The following FASN variants were observed in gnomAD, a reference collection of about 807,000 sequenced individuals.
The protein encoded by FASN is fatty acid synthase, also known as 3-hydroxyacyl-[acyl-carrier-protein] dehydratase.
In FASN, 50 loss-of-function variants were observed where a neutral mutation model predicts 250.0. The observed-to-expected ratio is 0.20, with a 90% CI of 0.16 to 0.25. The LOEUF (loss-of-function observed/expected upper bound fraction) is 0.25, where lower values mean the gene tolerates loss of function less well. Among genes scored for constraint, FASN ranks in the 10% least tolerant of loss-of-function variants. The probability of loss-of-function intolerance (pLI) is 1.00; values close to 1 mark genes in which losing one functional copy is unlikely to be tolerated. For synonymous variants in FASN, 1,909 were observed against 1,584.0 expected (o/e 1.21, Z -4.87); for missense variants, 3,031 against 3,498.5 (o/e 0.87, Z 3.37).
In FASN at chr17:82,085,353, A is replaced by G. The variant is rs2034075900; in HGVS notation, c.4172T>C (p.Leu1391Pro). ...CGTGGAGCCGTAGAAGGACTTCTTCAGGCCCACCAGGCGCAGCGACACCCT... is the reference window on the plus strand; with the variant it reads ...CGTGGAGCCGTAGAAGGACTTCTTCGGGCCCACCAGGCGCAGCGACACCCT... ...FSRVSLRLVG[L>P]KKSFYGSTLF... Residue 1391 changes from leucine (L) to proline (P), a missense_variant, in exon 24 of 43, where the codon CTG (leucine) becomes CCG (proline). Transcript: ENST00000306749. The G allele has an allele frequency of 6.2e-7, 1 of 1,611,360 alleles. No homozygotes were observed. The highest frequency in any genetic ancestry group is 1.3e-5 in the African/African-American group (1 of 74,872).
chr17:82,080,412 G>T lies in FASN; in HGVS notation c.7005C>A (p.Phe2335Leu), dbSNP rs1265567227. 1.2e-6 allele frequency: 2 copies of T among 1,603,234 alleles called. No individual in the cohort carries two copies. Among genetic ancestry groups the T allele is most frequent in the South Asian group, 2.2e-5 (2 of 89,688 alleles). The change falls in exon 40 of 43, where the codon TTC becomes TTA. Residue 2335 changes from phenylalanine to leucine, a missense_variant. Phe to Leu is a conservative substitution (Grantham distance 22). Coordinates refer to ENST00000306749, the MANE Select transcript of FASN (RefSeq NM_004104.5). ...CGTAGGTGGGCGAGCCGTCGAACAG[G>T]AAGAGGCTGTTGTGGGTGGGGGCTG... ...QSPAPTHNSL[F>L]LFDGSPTYVL...
rs755513455 is a variant in FASN at position 82,084,263 on chromosome 17, C to G, written c.4890G>C (p.Pro1630=). ...TGGAAGGCACATCCCAGAGGAAGTCCGGTGACAGCAGGACAGAGGTGGCCA... is the reference window on the plus strand; with the variant it reads ...TGGAAGGCACATCCCAGAGGAAGTCGGGTGACAGCAGGACAGAGGTGGCCA... ...KGLATSVLLS[P]DFLWDVPSNW... The change falls in exon 28 of 43, where the codon CCG becomes CCC. Residue 1630 remains proline (P), a synonymous_variant. Transcript: ENST00000306749. The G allele has an allele frequency of 1.2e-6, 2 of 1,612,020 alleles. No homozygotes were observed. Among genetic ancestry groups the G allele is most frequent in the Non-Finnish European group, 1.7e-6 (2 of 1,179,600 alleles).
rs1170097005 is a variant in FASN at position 82,092,784 on chromosome 17, C to T, written c.807G>A (p.Gln269=). The T allele has an allele frequency of 6.2e-6, 10 of 1,603,898 alleles. No homozygotes were observed. The East Asian group carries it at 2.3e-4, about 36-fold the overall frequency. ...GGTACAACGAGCGGATGAGCTGCTC[C>T]TGGATATCCCCTGAGGGGAAGGTCA... The part of the protein sequence containing the change: ...QGVTFPSGDI[Q]EQLIRSLYQS... Residue 269 remains glutamine, a synonymous_variant, in exon 7 of 43, where the codon CAG becomes CAA. Transcript: ENST00000306749.
chr17:82,082,678 C>T lies in FASN; in HGVS notation c.5768G>A (p.Gly1923Asp). The change falls in exon 34 of 43, where the codon GGC becomes GAC. Residue 1923 changes from glycine to aspartate, a missense_variant and splice_region_variant. By Grantham distance (94) the Gly-to-Asp change is moderately conservative. Coordinates refer to ENST00000306749, the MANE Select transcript of FASN (RefSeq NM_004104.5). Reference sequence around the variant, plus strand: ...CCGGCGGACCTGCTTGGCCTGGTAGCCTGCGGGACACAGGACTGTGGGCTG... The same window carrying T: ...CCGGCGGACCTGCTTGGCCTGGTAGTCTGCGGGACACAGGACTGTGGGCTG... ...VLTSRSGIRT[G>D]YQAKQVRRWR... 6.2e-7 allele frequency: 1 copy of T among 1,608,278 alleles called. No individual in the cohort carries two copies. Among genetic ancestry groups the T allele is most frequent in the Non-Finnish European group, 8.5e-7 (1 of 1,179,820 alleles).
chr17:82,091,528 C>T lies in FASN; in HGVS notation c.1186G>A (p.Gly396Arg). 1.9e-6 allele frequency: 3 copies of T among 1,602,070 alleles called. No homozygotes were observed. The highest frequency in any genetic ancestry group is 1.1e-5 in the South Asian group (1 of 89,578). ...AGGATGATGTGCACGTTGGAGCCCC[C>T]GAAGCCAAAGGAGTTGATGCCCACG... ...GNVGINSFGF[G>R]GSNVHIILRP... is the part of the protein sequence containing the mutation. Residue 396 changes from glycine to arginine, a missense_variant, in exon 9 of 43, where the codon GGG becomes AGG. Physicochemically the swap from Gly to Arg is moderately radical, Grantham distance 125. Coordinates refer to ENST00000306749, the MANE Select transcript of FASN (RefSeq NM_004104.5).
Position 82,087,722 on chromosome 17 carries a change from G to T in FASN, c.3006C>A (p.Gly1002=), listed in dbSNP as rs1366161093. Residue 1002 remains glycine (G), a synonymous_variant, in exon 19 of 43, where the codon GGC becomes GGA. Transcript: ENST00000306749. The part of the protein sequence containing the change: ...KELRLRGYDY[G]PHFQGILEAS... ...CCTCCAGGATGCCCTGGAAATGAGG[G>T]CCGTAGTCGTAGCCACGCAGACGCA... 1 of 1,612,232 alleles carries T rather than the reference G, an allele frequency of 6.2e-7. No homozygotes were observed. The highest frequency in any genetic ancestry group is 2.2e-5 in the East Asian group (1 of 44,888).
Position 82,087,237 on chromosome 17 carries a change from C to T in FASN, c.3240G>A (p.Val1080=). 3 of 1,607,272 alleles carry T rather than the reference C, an allele frequency of 1.9e-6. No homozygotes were observed. The highest frequency in any genetic ancestry group is 2.5e-6 in the Non-Finnish European group (3 of 1,178,034). The part of the protein sequence containing the change: ...QDKAQVADVV[V]SRWLRVTVAG... Reference sequence around the variant, plus strand: ...CCACTGTGACCCTCAGCCACCTGCTCACCACCACGTCAGCCACTGTGGGGA... The same window carrying T: ...CCACTGTGACCCTCAGCCACCTGCTTACCACCACGTCAGCCACTGTGGGGA... Residue 1080 remains valine (V), a synonymous_variant, in exon 21 of 43, where the codon GTG becomes GTA. Transcript: ENST00000306749.
intron 21 of FASN, 32 bp downstream of exon 21, chr17:82,087,018 G>A (rs1164036730): frequency 1.9e-6 from 3 of 1,608,356 alleles, no homozygotes; most frequent in East Asian, 2.2e-5. Context: ...CATCGCCAGA[G>A]GTGTCCGAAG....
At chr17:82,082,704 G>A in intron 33 of FASN, 26 bp from the exon 34 acceptor site, 11 of 1,604,622 alleles carry the variant, frequency 6.9e-6, no homozygotes, top group Non-Finnish European at 8.5e-6. Flanking sequence ...CTGTGGGCTG[G>A]ACTGGGCCAG....
intron 11 of FASN, 27 bp from the exon 12 acceptor site, chr17:82,089,753 T>A (rs1251301931): frequency 6.4e-7 from 1 of 1,560,300 alleles, no homozygotes; most frequent in Non-Finnish European, 8.7e-7. Flanking sequence ...CTCAGAGGCT[T>A]AGCGTGGACA....
chr17:82,082,173 G>GT lies in FASN; in HGVS notation c.6012-14dup. 6.2e-7 allele frequency: 1 copy of GT among 1,601,650 alleles called. No individual in the cohort carries two copies. The highest frequency in any genetic ancestry group is 8.5e-7 in the Non-Finnish European group (1 of 1,179,892). The stretch of plus-strand genomic sequence containing the variant: ...CTCTCGGGTCACCCTGTGGGCACGC[G>GT]TGTCACTCCCCATTGGCCAGCATCC... On this transcript the variant is annotated splice_polypyrimidine_tract_variant and intron_variant, in intron 35 of 42. Coordinates refer to ENST00000306749, the MANE Select transcript of FASN (RefSeq NM_004104.5).
intron 24 of FASN, 36 bp downstream of exon 24, chr17:82,085,202 G>T (rs765597243): frequency 8.1e-6 from 13 of 1,612,306 alleles, no homozygotes; most frequent in Non-Finnish European, 1.1e-5. Context: ...CAAGTTGGGA[G>T]GTGGGGTGGG....
intron 1 of FASN, among the ~76,000 whole-genome samples, chr17:82,097,775 G>C (rs1356613507): frequency 6.6e-6 from 1 of 152,106 alleles, no homozygotes; most frequent in African/African-American, 2.4e-5. Context: ...GGGCGGCTCC[G>C]GGAGGAGGAT....
rs2033964958 is a variant in FASN at position 82,080,371 on chromosome 17, T to C, written c.7046A>G (p.Gln2349Arg). ...GSPTYVLAYTQSYRAKLTPGC... is the reference protein window; with the variant it reads ...GSPTYVLAYTRSYRAKLTPGC... ...CTCTAGGACCAGCCTGGCTCTCACCTGGGTGTAGGCCAGTACGTAGGTGGG... is the reference window on the plus strand; with the variant it reads ...CTCTAGGACCAGCCTGGCTCTCACCCGGGTGTAGGCCAGTACGTAGGTGGG... The change falls in exon 40 of 43, where the codon CAG becomes CGG. Residue 2349 changes from glutamine (Q) to arginine (R), a missense_variant and splice_region_variant. Gln to Arg is a conservative substitution (Grantham distance 43). Coordinates refer to ENST00000306749, the MANE Select transcript of FASN (RefSeq NM_004104.5). 6.2e-7 allele frequency: 1 copy of C among 1,603,986 alleles called. No individual in the cohort carries two copies. Among genetic ancestry groups the C allele is most frequent in the Non-Finnish European group, 8.5e-7 (1 of 1,175,950 alleles).
At chr17:82,080,285 C>G (rs763770708) in intron 40 of FASN, 47 bp from the exon 41 acceptor site, 8 of 1,611,512 alleles carry the variant, frequency 5.0e-6, no homozygotes, top group Non-Finnish European at 4.2e-6. Context: ...GGCGGGGCCT[C>G]CTAAGCGACG....
Position 82,096,385 on chromosome 17 carries a change from C to T in FASN, c.61G>A (p.Glu21Lys). The change falls in exon 2 of 43, where the codon GAG becomes AAG. Residue 21 changes from glutamate (E) to lysine (K), a missense_variant. Physicochemically the swap from Glu to Lys is moderately conservative, Grantham distance 56. Transcript: ENST00000306749. The stretch of plus-strand genomic sequence containing the variant: ...CCGCCGATGAGGTTGTCCCAGAACT[C>T]CTGCAAGTTCTCCGACTCTGGCAGC... Reference protein sequence around the residue: ...GKLPESENLQEFWDNLIGGVD... With the variant: ...GKLPESENLQKFWDNLIGGVD... The T allele has an allele frequency of 6.2e-7, 1 of 1,612,996 alleles. No individual in the cohort carries two copies.
At position 82,088,972 on chromosome 17, in the gene FASN, C is replaced by T. The variant is rs769954424; in HGVS notation, c.2301G>A (p.Leu767=). ...VVLEIAPHAL[L]QAVLKRGLKP... is the part of the protein sequence containing the mutation. ...GCTGCCCCCAGGCTGGGCCTACCTG[C>T]AGCAGGGCGTGGGGCGCGATCTCCA... Residue 767 remains leucine (L), a synonymous_variant, in exon 14 of 43, where the codon CTG becomes CTA. Transcript: ENST00000306749. The T allele has an allele frequency of 1.9e-6, 3 of 1,609,164 alleles. No homozygotes were observed. Among genetic ancestry groups the T allele is most frequent in the East Asian group, 2.2e-5 (1 of 44,616 alleles).
At position 82,088,841 on chromosome 17, in the gene FASN, G is replaced by A. The variant is rs753530645; in HGVS notation, c.2340C>T (p.Thr780=). The change falls in exon 15 of 43, where the codon ACC becomes ACT. Residue 780 remains threonine, a synonymous_variant. Transcript: ENST00000306749. ...VLKRGLKPSC[T]IIPLMKKDHR... ...GATCCTTCTTCATCAGGGGGATGAT[G>A]GTGCAGCTCGGCTTCAGGCCACGCT... The A allele has an allele frequency of 6.2e-7, 1 of 1,612,476 alleles. No homozygotes were observed. The highest frequency in any genetic ancestry group is 1.3e-5 in the African/African-American group (1 of 74,924).
Position 82,091,313 on chromosome 17 carries a change from G to A in FASN, c.1401C>T (p.Phe467=). 1 of 1,611,026 alleles carries A rather than the reference G, an allele frequency of 6.2e-7. No homozygotes were observed. Among genetic ancestry groups the A allele is most frequent in the Non-Finnish European group, 8.5e-7 (1 of 1,179,376 alleles). The change falls in exon 9 of 43, where the codon TTC becomes TTT. Residue 467 remains phenylalanine (F), a synonymous_variant. Coordinates refer to ENST00000306749, the MANE Select transcript of FASN (RefSeq NM_004104.5). Reference sequence around the variant, plus strand: ...CACCACCCAGCACAGCGTAGCCACGGAAGGGCATGGCGGTGGCGGGGACAG... The same window carrying A: ...CACCACCCAGCACAGCGTAGCCACGAAAGGGCATGGCGGTGGCGGGGACAG... ...IAAVPATAMP[F]RGYAVLGGER...
Sources: allele counts gnomAD v4.1 joint callset (sites outside exome capture counted in the v4.1 genomes callset), GRCh38; gene constraint gnomAD v4.1.1; transcripts MANE v1.5; gene names NCBI Gene and HGNC (gene_info 2026-07-23, HGNC 2026-07-21).